SLC2A9: variants seen among roughly 807,000 people sequenced by gnomAD.
SLC2A9 encodes the protein solute carrier family 2, facilitated glucose transporter member 9.
Under a neutral mutation model 50.6 loss-of-function variants are expected in SLC2A9, and 39 were observed. That is an observed-to-expected ratio of 0.77 (90% CI 0.60 to 1.01). The LOEUF (loss-of-function observed/expected upper bound fraction) is 1.01. SLC2A9 is among the 50% of genes least tolerant of loss of function. SLC2A9 has a pLI of 0.00. For missense variants in SLC2A9, 686 were observed against 677.6 expected (o/e 1.01, Z -0.14); for synonymous variants, 324 against 276.9 (o/e 1.17, Z -1.69).
chr4:9,869,801 A>G lies in SLC2A9; in HGVS notation c.1291+17766T>C, dbSNP rs1239677068. Among the ~76,000 whole-genome samples the G allele has an allele frequency of 5.3e-5, 8 of 152,238 alleles. No individual in the cohort carries two copies. The East Asian group carries it at 1.5e-3, about 29-fold the overall frequency. Reference sequence around the variant, plus strand: ...AGGAGGCCAAAGTGTTTATCAAAGCATATGAGAAAACAGATGCTTATCTCT... The same window carrying G: ...AGGAGGCCAAAGTGTTTATCAAAGCGTATGAGAAAACAGATGCTTATCTCT... On this transcript the variant is annotated intron_variant, in intron 10 of 11. Transcript: ENST00000264784.
intron 8 of SLC2A9, among the ~76,000 whole-genome samples, chr4:9,907,401 C>T (rs1460967075): frequency 6.6e-6 from 1 of 152,190 alleles, no homozygotes; most frequent in Non-Finnish European, 1.5e-5. Flanking sequence ...CTGAAGCCAC[C>T]CAACTTTCCC....
intron 6 of SLC2A9, chr4:9,923,714 A>C (rs771023893): frequency 3.9e-5 from 6 of 152,330 alleles, no homozygotes; most frequent in Non-Finnish European, 5.9e-5. Flanking sequence ...AGAGCTGCTG[A>C]TGAGAGAGCT....
intron 2 of SLC2A9, chr4:10,006,564 A>T (rs2109382623): frequency 6.6e-6 from 1 of 152,350 alleles, no homozygotes; most frequent in Non-Finnish European, 1.5e-5. Context: ...GGGCCCCACA[A>T]GAACAAAATT....
intron 3 of SLC2A9, among the ~76,000 whole-genome samples, chr4:9,802,438 G>A (rs1721553520): frequency 6.6e-6 from 1 of 151,990 alleles, no homozygotes; most frequent in Non-Finnish European, 1.5e-5. Context: ...TGGGAAGGAA[G>A]GGCTCTGTGG....
At chr4:10,013,618 C>T (rs1335639489) in intron 2 of SLC2A9, among the ~76,000 whole-genome samples, 1 of 152,148 alleles carries the variant, frequency 6.6e-6, no homozygotes, top group Admixed American at 6.6e-5. Flanking sequence ...AGAGCTGGTG[C>T]CCAGAGGCGA....
chr4:9,851,744 G>C (rs148747594), intron 10 of SLC2A9, among the ~76,000 whole-genome samples: 3,245 of 152,218 alleles, frequency 0.021, 44 homozygotes, highest in Non-Finnish European at 0.035. Flanking sequence ...ATCTGATAGA[G>C]CTGAAAAACT....
chr4:9,790,810 T>A (rs1160235732), intron 3 of SLC2A9, among the ~76,000 whole-genome samples: 1 of 152,218 alleles, frequency 6.6e-6, no homozygotes, highest in Admixed American at 6.5e-5. Flanking sequence ...ATAGCCACAA[T>A]CGAAAAACAC....
chr4:9,833,779 G>A (rs535728453), intron 11 of SLC2A9, among the ~76,000 whole-genome samples: 2 of 152,166 alleles, frequency 1.3e-5, no homozygotes, highest in Admixed American at 6.5e-5. Context: ...AGGAAGACAG[G>A]ATTGAAATAG....
chr4:9,793,769 A>G (rs1307365810), intron 3 of SLC2A9, among the ~76,000 whole-genome samples: 1 of 152,226 alleles, frequency 6.6e-6, no homozygotes, highest in African/African-American at 2.4e-5. Flanking sequence ...GGGAATGAAG[A>G]TTTAAAAAAT....
At chr4:9,820,840 T>C (rs1724299134) in intron 3 of SLC2A9, among the ~76,000 whole-genome samples, 3 of 152,244 alleles carry the variant, frequency 2.0e-5, no homozygotes, top group African/African-American at 7.2e-5. Context: ...CTTTGAGATT[T>C]AATATGTAAA....
chr4:9,850,641 G>A (rs571055817), intron 10 of SLC2A9, among the ~76,000 whole-genome samples: 47 of 152,132 alleles, frequency 3.1e-4, no homozygotes, highest in Middle Eastern at 3.4e-3. Flanking sequence ...TCCCACTGGT[G>A]TGCACCAGCT....
chr4:9,967,534 C>T (rs1341143860), intron 5 of SLC2A9, among the ~76,000 whole-genome samples: 1 of 151,676 alleles, frequency 6.6e-6, no homozygotes, highest in African/African-American at 2.4e-5. Context: ...AAAGTAAGAA[C>T]TGTTTTTAAT....
At chr4:10,010,908 T>C (rs1406339697) in intron 2 of SLC2A9, among the ~76,000 whole-genome samples, 1 of 152,236 alleles carries the variant, frequency 6.6e-6, no homozygotes, top group Non-Finnish European at 1.5e-5. Flanking sequence ...CTTTTCTTAA[T>C]GTCCATCCCC....
At chr4:10,030,802 C>A (rs77705575) in intron 1 of SLC2A9, among the ~76,000 whole-genome samples, 1 of 152,172 alleles carries the variant, frequency 6.6e-6, no homozygotes, top group East Asian at 1.9e-4. Flanking sequence ...TCGAGCCCCT[C>A]TTATGTAGTA....
At chr4:9,782,318 T>G in intron 3 of SLC2A9, 1 of 1,614,014 alleles carries the variant, frequency 6.2e-7, no homozygotes, top group Middle Eastern at 1.7e-4. Context: ...GGTCATGCCC[T>G]GGAAGGCAGT....
intron 10 of SLC2A9, among the ~76,000 whole-genome samples, chr4:9,878,259 A>G (rs1480422755): frequency 6.6e-6 from 1 of 152,058 alleles, no homozygotes; most frequent in Non-Finnish European, 1.5e-5. Flanking sequence ...GGCTTTTGTC[A>G]TTTATAATGA....
chr4:9,814,035 G>A (rs972381171), intron 3 of SLC2A9, among the ~76,000 whole-genome samples: 2 of 152,218 alleles, frequency 1.3e-5, no homozygotes, highest in South Asian at 2.1e-4. Context: ...AACTACTTGG[G>A]AGGCTGAGGC....
At chr4:9,896,099 C>T (rs1186325480) in intron 8 of SLC2A9, among the ~76,000 whole-genome samples, 1 of 152,152 alleles carries the variant, frequency 6.6e-6, no homozygotes, top group Non-Finnish European at 1.5e-5. Flanking sequence ...TAGACTTGTG[C>T]ATTGATTTCT....
chr4:9,888,738 CG>C (rs1393593281), intron 9 of SLC2A9, among the ~76,000 whole-genome samples: 3 of 151,368 alleles, frequency 2.0e-5, no homozygotes, highest in Admixed American at 6.6e-5. Flanking sequence ...GCACCATCGG[CG>C]GGGGGGTAAG....
Sources: allele counts gnomAD v4.1 joint callset (sites outside exome capture counted in the v4.1 genomes callset), GRCh38; gene constraint gnomAD v4.1.1; transcripts MANE v1.5; gene names NCBI Gene and HGNC (gene_info 2026-07-23, HGNC 2026-07-21).